RHOBTB1: variants seen among roughly 807,000 people sequenced by gnomAD.
RHOBTB1 encodes the protein rho-related BTB domain-containing protein 1.
In RHOBTB1, 40 loss-of-function variants were observed where a neutral mutation model predicts 71.6. The ratio of observed to expected loss-of-function variants is 0.56; its 90% CI spans 0.43 to 0.73. The LOEUF (loss-of-function observed/expected upper bound fraction) is 0.73, where lower values mean the gene tolerates loss of function less well. RHOBTB1 is among the 30% of genes least tolerant of loss of function. RHOBTB1 has a pLI of 0.00. For synonymous variants in RHOBTB1, 319 were observed against 334.9 expected (o/e 0.95, Z 0.52); for missense variants, 797 against 894.0 (o/e 0.89, Z 1.38).
At chr10:60,943,328 T>C (rs1444431149) in intron 1 of RHOBTB1, among the ~76,000 whole-genome samples, 2 of 152,204 alleles carry the variant, frequency 1.3e-5, no homozygotes, top group African/African-American at 4.8e-5. Flanking sequence ...TTCCACTTCT[T>C]TTCGGGGGGC....
chr10:60,992,509 T>G (rs575814967), intron 1 of RHOBTB1, among the ~76,000 whole-genome samples: 1 of 152,246 alleles, frequency 6.6e-6, no homozygotes, highest in Non-Finnish European at 1.5e-5. Context: ...CTGCTGGATA[T>G]GCCTTTTTAT....
chr10:60,997,496 A>G (rs2135039245), intron 1 of RHOBTB1, among the ~76,000 whole-genome samples: 1 of 152,338 alleles, frequency 6.6e-6, no homozygotes, highest in South Asian at 2.1e-4. Context: ...ATTGCTGTCT[A>G]TGTTAGAGAA....
chr10:60,875,136 G>C, intron 8 of RHOBTB1, 94 bp from the exon 9 acceptor site: 1 of 843,298 alleles, frequency 1.2e-6, no homozygotes, highest in Admixed American at 1.8e-5. Flanking sequence ...CTTAAGAAGG[G>C]AGGAAATGTG....
intron 2 of RHOBTB1, among the ~76,000 whole-genome samples, chr10:60,976,965 G>C (rs947712760): frequency 2.6e-5 from 4 of 151,958 alleles, no homozygotes. Flanking sequence ...TGTGGAATTA[G>C]GGCAGGGACT....
At chr10:60,971,583 A>G (rs2086160411) in intron 2 of RHOBTB1, among the ~76,000 whole-genome samples, 1 of 152,240 alleles carries the variant, frequency 6.6e-6, no homozygotes, top group Non-Finnish European at 1.5e-5. Flanking sequence ...ACCTAAAACC[A>G]TACAAACCCT....
intron 2 of RHOBTB1, among the ~76,000 whole-genome samples, chr10:60,929,049 C>T (rs1323124140): frequency 6.6e-6 from 1 of 152,074 alleles, no homozygotes; most frequent in African/African-American, 2.4e-5. Context: ...GTGCTATACA[C>T]TTTTAAACAA....
chr10:60,944,452 C>T (rs888117584), upstream of RHOBTB1, among the ~76,000 whole-genome samples: 3 of 152,174 alleles, frequency 2.0e-5, no homozygotes, highest in Admixed American at 2.0e-4. Context: ...GCAGACCCGA[C>T]GGGCCCGGGC....
At chr10:60,938,324 AG>A (rs2084709829) in intron 2 of RHOBTB1, among the ~76,000 whole-genome samples, 1 of 152,264 alleles carries the variant, frequency 6.6e-6, no homozygotes, top group Admixed American at 6.5e-5. Context: ...GGCACTTTTC[AG>A]GCAGTGTTAT....
At chr10:60,951,160 A>C (rs1234400646) in intron 2 of RHOBTB1, among the ~76,000 whole-genome samples, 1 of 152,214 alleles carries the variant, frequency 6.6e-6, no homozygotes, top group Non-Finnish European at 1.5e-5. Flanking sequence ...GTGGATGCAA[A>C]GCTTTTGAAG....
At chr10:60,989,151 T>C (rs1158659600) in intron 1 of RHOBTB1, among the ~76,000 whole-genome samples, 1 of 152,206 alleles carries the variant, frequency 6.6e-6, no homozygotes, top group Non-Finnish European at 1.5e-5. Flanking sequence ...ACAGCAAGAC[T>C]GTCTGATTTG....
intron 2 of RHOBTB1, among the ~76,000 whole-genome samples, chr10:60,982,561 C>T (rs956176634): frequency 6.6e-6 from 1 of 152,084 alleles, no homozygotes; most frequent in East Asian, 1.9e-4. Context: ...GCATCCTTGG[C>T]CTCCCTAGAT....
intron 4 of RHOBTB1, among the ~76,000 whole-genome samples, chr10:60,896,225 A>G (rs918890151): frequency 6.6e-6 from 1 of 152,260 alleles, no homozygotes; most frequent in African/African-American, 2.4e-5. Flanking sequence ...TTTAAAAAAT[A>G]CCATTCCTCT....
intron 7 of RHOBTB1, among the ~76,000 whole-genome samples, chr10:60,882,750 C>T (rs2132460209): frequency 6.6e-6 from 1 of 152,224 alleles, no homozygotes; most frequent in African/African-American, 2.4e-5. Context: ...TAACTGAGTG[C>T]CTTTCCCCTA....
chr10:60,948,258 G>A (rs974524008), upstream of RHOBTB1, among the ~76,000 whole-genome samples: 1 of 152,140 alleles, frequency 6.6e-6, no homozygotes, highest in Non-Finnish European at 1.5e-5. Flanking sequence ...ACCATCCCAA[G>A]GGAACTCTAT....
At chr10:60,994,654 T>C (rs557312021) in intron 1 of RHOBTB1, among the ~76,000 whole-genome samples, 12 of 152,312 alleles carry the variant, frequency 7.9e-5, no homozygotes, top group South Asian at 6.2e-4. Context: ...CATTTTATTA[T>C]ACATTAAATT....
At chr10:60,889,652 T>TA (rs1264983923) in intron 5 of RHOBTB1, among the ~76,000 whole-genome samples, 4 of 151,378 alleles carry the variant, frequency 2.6e-5, no homozygotes, top group East Asian at 1.9e-4. Flanking sequence ...TTTACTTCTT[T>TA]AAAAAAAAAT....
chr10:60,909,874 G>A (rs565885779), intron 4 of RHOBTB1, among the ~76,000 whole-genome samples: 1 of 152,232 alleles, frequency 6.6e-6, no homozygotes, highest in East Asian at 1.9e-4. Context: ...TAATTCCTGG[G>A]AATAGGGCAA....
intron 1 of RHOBTB1, among the ~76,000 whole-genome samples, chr10:60,991,978 G>A (rs2134972633): frequency 6.6e-6 from 1 of 152,302 alleles, no homozygotes; most frequent in East Asian, 1.9e-4. Flanking sequence ...AGTATCTGAT[G>A]CAATTCGGTG....
rs533772254 is a variant in RHOBTB1, at chr10:60,870,811, A to G, written c.*671T>C. 2 of 152,780 alleles carry G rather than the reference A, an allele frequency of 1.3e-5. No homozygotes were observed. Among genetic ancestry groups the G allele is most frequent in the South Asian group, 2.1e-4 (1 of 4,824 alleles). The allele number at this position is 152,780 out of a possible 1,614,324, so 9.5% of individuals were successfully genotyped here. ...AAACAACAGAATATTTGATATCACT[A>G]TATTTTACATGGCACATATAACCAT... On this transcript the variant is annotated 3_prime_UTR_variant, in exon 11 of 11. Coordinates refer to ENST00000337910, the MANE Select transcript of RHOBTB1 (RefSeq NM_014836.5).
Sources: allele counts gnomAD v4.1 joint callset (sites outside exome capture counted in the v4.1 genomes callset), GRCh38; gene constraint gnomAD v4.1.1; transcripts MANE v1.5; gene names NCBI Gene and HGNC (gene_info 2026-07-23, HGNC 2026-07-21).